The following NRXN3 variants were observed in gnomAD, a reference collection of about 807,000 sequenced individuals.
The protein encoded by NRXN3 is neurexin 3.
In NRXN3, 32 loss-of-function variants were observed where a neutral mutation model predicts 137.6. The ratio of observed to expected loss-of-function variants is 0.23; its 90% CI spans 0.18 to 0.31. The LOEUF (loss-of-function observed/expected upper bound fraction) is 0.31, where lower values mean the gene tolerates loss of function less well. Among genes scored for constraint, NRXN3 ranks in the 10% least tolerant of loss-of-function variants. The probability of loss-of-function intolerance (pLI) is 1.00; values close to 1 mark genes in which losing one functional copy is unlikely to be tolerated. For synonymous variants in NRXN3, 798 were observed against 784.5 expected, an observed-to-expected ratio of 1.02 and a Z score of -0.29; for missense variants, 1,574 against 2,062.5, an observed-to-expected ratio of 0.76 and a Z score of 4.59.
At chr14:79,044,495 T>C (rs2099629912) in intron 15 of NRXN3, among the ~76,000 whole-genome samples, 1 of 152,202 alleles carries the variant, frequency 6.6e-6, no homozygotes, top group Non-Finnish European at 1.5e-5. Flanking sequence ...GTTTTGATGA[T>C]GGTTAAATGA....
intron 16 of NRXN3, among the ~76,000 whole-genome samples, chr14:79,469,617 G>A (rs1316780027): frequency 6.6e-6 from 1 of 152,146 alleles, no homozygotes; most frequent in African/African-American, 2.4e-5. Context: ...AGACACTTGG[G>A]TGATACAGCC....
chr14:79,217,449 G>A (rs186018985), intron 15 of NRXN3, among the ~76,000 whole-genome samples: 5 of 152,210 alleles, frequency 3.3e-5, no homozygotes, highest in African/African-American at 1.2e-4. Flanking sequence ...CTCCCACCAG[G>A]CCCCATCTCC....
At chr14:79,569,149 A>G (rs1237129671) in intron 16 of NRXN3, among the ~76,000 whole-genome samples, 2 of 152,058 alleles carry the variant, frequency 1.3e-5, no homozygotes, top group Non-Finnish European at 2.9e-5. Context: ...TACTTGTCTA[A>G]CTGCATTTTT....
At chr14:78,430,705 G>T (rs17107553) in intron 4 of NRXN3, among the ~76,000 whole-genome samples, 3,926 of 152,270 alleles carry the variant, frequency 0.026, 179 homozygotes, top group Admixed American at 0.13. Flanking sequence ...CATAGGTCTT[G>T]TTCAGAGAAG....
chr14:78,498,980 T>TCCAA (rs2153770174), intron 4 of NRXN3, among the ~76,000 whole-genome samples: 1 of 152,228 alleles, frequency 6.6e-6, no homozygotes, highest in African/African-American at 2.4e-5. Context: ...GTTGTTAGCT[T>TCCAA]CTCTGTACCT....
At chr14:78,885,423 A>G (rs2099140831) in intron 10 of NRXN3, among the ~76,000 whole-genome samples, 1 of 152,016 alleles carries the variant, frequency 6.6e-6, no homozygotes, top group Non-Finnish European at 1.5e-5. Context: ...ATGAAACTAA[A>G]TTAAAGGTGT....
At chr14:78,469,427 C>T (rs982561601) in intron 4 of NRXN3, among the ~76,000 whole-genome samples, 1 of 152,094 alleles carries the variant, frequency 6.6e-6, no homozygotes, top group Non-Finnish European at 1.5e-5. Flanking sequence ...AACCACTGAC[C>T]TAGATAGTTA....
At chr14:79,411,078 A>C (rs763998685) in intron 15 of NRXN3, among the ~76,000 whole-genome samples, 13 of 152,084 alleles carry the variant, frequency 8.5e-5, no homozygotes, top group Non-Finnish European at 1.3e-4. Context: ...TAGGTTTTGC[A>C]TAAGGTAATT....
intron 15 of NRXN3, among the ~76,000 whole-genome samples, chr14:79,270,496 C>T (rs2079140345): frequency 6.6e-6 from 1 of 152,108 alleles, no homozygotes; most frequent in South Asian, 2.1e-4. Flanking sequence ...TCCAAGGAAA[C>T]GATTGAGCAG....
chr14:79,458,155 T>C (rs1232175865), intron 15 of NRXN3, among the ~76,000 whole-genome samples: 7 of 152,148 alleles, frequency 4.6e-5, no homozygotes, highest in Non-Finnish European at 1.0e-4. Context: ...CACTTATCTA[T>C]TTATTTTTAC....
chr14:78,516,325 A>G (rs2096206376), intron 4 of NRXN3, among the ~76,000 whole-genome samples: 1 of 147,488 alleles, frequency 6.8e-6, no homozygotes, highest in Non-Finnish European at 1.5e-5. Context: ...CTTCTCTCTA[A>G]TAGTTGTTAT....
At chr14:79,362,146 T>C (rs1375158789) in intron 15 of NRXN3, among the ~76,000 whole-genome samples, 2 of 150,918 alleles carry the variant, frequency 1.3e-5, no homozygotes, top group Non-Finnish European at 3.0e-5. Flanking sequence ...TTATTTTATT[T>C]TATTTATTTA....
intron 10 of NRXN3, among the ~76,000 whole-genome samples, chr14:78,867,785 C>G (rs928879793): frequency 1.3e-5 from 2 of 152,054 alleles, no homozygotes; most frequent in South Asian, 2.1e-4. Context: ...AATTATACTT[C>G]CATGCACGAC....
chr14:79,617,661 T>G (rs1349527888), intron 16 of NRXN3, among the ~76,000 whole-genome samples: 1 of 151,974 alleles, frequency 6.6e-6, no homozygotes, highest in Non-Finnish European at 1.5e-5. Flanking sequence ...CACTGATGAG[T>G]CTTTCCCTAA....
At chr14:78,355,593 A>G (rs1316249716) in intron 4 of NRXN3, among the ~76,000 whole-genome samples, 1 of 151,840 alleles carries the variant, frequency 6.6e-6, no homozygotes, top group African/African-American at 2.4e-5. Flanking sequence ...TAATTTTTGT[A>G]TTTTTTAGTA....
At chr14:78,550,131 C>T (rs376486980) in intron 4 of NRXN3, among the ~76,000 whole-genome samples, 1 of 151,036 alleles carries the variant, frequency 6.6e-6, no homozygotes, top group African/African-American at 2.4e-5. Context: ...CCTCCCCAGG[C>T]TCAAGTGATC....
At chr14:78,677,981 A>G (rs1453265703) in intron 6 of NRXN3, among the ~76,000 whole-genome samples, 1 of 152,180 alleles carries the variant, frequency 6.6e-6, no homozygotes, top group East Asian at 1.9e-4. Flanking sequence ...ACATAATGCT[A>G]TTACACACTT....
chr14:79,807,949 G>A (rs1456131192), intron 20 of NRXN3, among the ~76,000 whole-genome samples: 4 of 152,042 alleles, frequency 2.6e-5, no homozygotes, highest in Admixed American at 2.6e-4. Flanking sequence ...TTGCCCAGAG[G>A]ACCTGATTTC....
intron 10 of NRXN3, among the ~76,000 whole-genome samples, chr14:78,905,757 T>G (rs2099214131): frequency 6.6e-6 from 1 of 152,054 alleles, no homozygotes; most frequent in African/African-American, 2.4e-5. Context: ...CAAAGCATAT[T>G]AATATTTTCC....
Sources: allele counts gnomAD v4.1 joint callset (sites outside exome capture counted in the v4.1 genomes callset), GRCh38; gene constraint gnomAD v4.1.1; transcripts MANE v1.5; gene names NCBI Gene and HGNC (gene_info 2026-07-23, HGNC 2026-07-21).